The following JAK2 variants were observed in gnomAD, a reference collection of about 807,000 sequenced individuals.
JAK2 encodes the protein tyrosine-protein kinase JAK2.
JAK2 carries 86 observed loss-of-function variants against 139.3 expected under a neutral mutation model. The ratio of observed to expected loss-of-function variants is 0.62; its 90% CI spans 0.52 to 0.74. The LOEUF is 0.74. JAK2 is among the 30% of genes least tolerant of loss of function. The pLI, the probability that JAK2 is intolerant of heterozygous loss-of-function variation, is 0.00. For missense variants in JAK2, 1,421 were observed against 1,360.3 expected (o/e 1.04, Z -0.70); for synonymous variants, 490 against 437.7 (o/e 1.12, Z -1.49).
At chr9:5,011,010 G>C (rs935152136) in intron 2 of JAK2, among the ~76,000 whole-genome samples, 3 of 152,042 alleles carry the variant, frequency 2.0e-5, no homozygotes, top group African/African-American at 7.2e-5. Flanking sequence ...TCTTGTCTTG[G>C]TTCTCCTGTA....
chr9:5,031,375 T>C (rs1157895122), intron 4 of JAK2, among the ~76,000 whole-genome samples: 1 of 152,146 alleles, frequency 6.6e-6, no homozygotes, highest in Admixed American at 6.5e-5. Flanking sequence ...ATAAACTAAA[T>C]AATGAGAATG....
intron 4 of JAK2, among the ~76,000 whole-genome samples, chr9:5,040,376 T>C (rs555410763): frequency 2.0e-5 from 3 of 152,216 alleles, no homozygotes; most frequent in Non-Finnish European, 4.4e-5. Context: ...ACAGAAGTCT[T>C]TGTGTACTTA....
chr9:5,058,440 A>G (rs768009789), intron 8 of JAK2, among the ~76,000 whole-genome samples: 1 of 152,134 alleles, frequency 6.6e-6, no homozygotes, highest in African/African-American at 2.4e-5. Context: ...CCTCACTATC[A>G]TGAGAACAGC....
intron 8 of JAK2, among the ~76,000 whole-genome samples, chr9:5,064,424 T>A (rs1231877041): frequency 6.8e-6 from 1 of 147,736 alleles, no homozygotes; most frequent in Non-Finnish European, 1.5e-5. Context: ...CAGCTACTCA[T>A]GAGGGTGAGG....
intron 5 of JAK2, among the ~76,000 whole-genome samples, chr9:5,048,537 G>T (rs1817191221): frequency 6.6e-6 from 1 of 152,188 alleles, no homozygotes; most frequent in East Asian, 1.9e-4. Flanking sequence ...TTACTTGCCT[G>T]TTCTCAAAAG....
At position 5,104,606 on chromosome 9, in the gene JAK2, A is replaced by G. The variant is rs551041042; in HGVS notation, c.3059+13695A>G. Among the ~76,000 whole-genome samples the G allele has an allele frequency of 7.9e-5, 12 of 152,300 alleles. No homozygotes were observed. In the South Asian group the frequency reaches 2.5e-3, roughly 32 times the overall value. ...ACCAAAGCCTAGCAGAGACACCACA[A>G]AAAAATAATTTTAGACCAATATCCC... is the stretch of plus-strand genomic sequence containing the variant. On this transcript the variant is annotated intron_variant, in intron 22 of 24. Coordinates refer to ENST00000381652, the MANE Select transcript of JAK2 (RefSeq NM_004972.4).
rs1051350543 is a variant in JAK2 at position 5,091,124 on chromosome 9, T to C, written c.3059+213T>C. On this transcript the variant is annotated intron_variant, in intron 22 of 24. Transcript: ENST00000381652. ...TATGCTTTATTTCTATTAAGTGTTG[T>C]CTTATTTATAGGGATTGTAGGTTTT... 1.2e-4 allele frequency: 47 copies of C among 401,544 alleles called. No individual in the cohort carries two copies. The Admixed American group carries it at 1.2e-3, about 10-fold the overall frequency. The allele number at this position is 401,544 out of a possible 1,614,324, so 24.9% of individuals were successfully genotyped here. A position where few individuals can be genotyped will look rare whatever the true frequency, so the allele number is the denominator to read the frequency against.
intron 1 of JAK2, 74 bp downstream of exon 1, chr9:4,985,704 C>CCCGCCTG (rs1265850740): frequency 6.6e-6 from 1 of 152,544 alleles, no homozygotes. Flanking sequence ...ACCTTTTGGT[C>CCCGCCTG]CCGCCTGCCC....
At position 5,021,992 on chromosome 9, in the gene JAK2, G is replaced by C; in HGVS notation, c.5G>C (p.Gly2Ala). The C allele has an allele frequency of 1.2e-6, 2 of 1,611,946 alleles. No homozygotes were observed. Among genetic ancestry groups the C allele is most frequent in the Non-Finnish European group, 1.7e-6 (2 of 1,177,988 alleles). The change falls in exon 3 of 25, where the codon GGA becomes GCA. Residue 2 changes from glycine (G) to alanine (A), a missense_variant. Physicochemically the swap from Gly to Ala is moderately conservative, Grantham distance 60. Coordinates refer to ENST00000381652, the MANE Select transcript of JAK2 (RefSeq NM_004972.4). M[G>A]MACLTMTEME... ...ATGTTCTGAAAAAGACTCTGCATGG[G>C]AATGGCCTGCCTTACGATGACAGAA...
intron 5 of JAK2, among the ~76,000 whole-genome samples, chr9:5,049,642 T>C (rs1817275665): frequency 6.6e-6 from 1 of 152,238 alleles, no homozygotes; most frequent in African/African-American, 2.4e-5. Flanking sequence ...CTAAGCTAAA[T>C]TTTGGTCCCC....
At chr9:5,000,791 T>G (rs1407359911) in intron 2 of JAK2, among the ~76,000 whole-genome samples, 1 of 152,210 alleles carries the variant, frequency 6.6e-6, no homozygotes, top group East Asian at 1.9e-4. Context: ...GTATATGTAT[T>G]AAGTAAGAAC....
At chr9:4,985,116 C>T (rs542915178), upstream of JAK2, 12 of 152,454 alleles carry the variant, frequency 7.9e-5, no homozygotes, top group African/African-American at 2.4e-4. Context: ...AACCGGGAGG[C>T]TGAGTTCGAA....
intron 2 of JAK2, among the ~76,000 whole-genome samples, chr9:5,011,563 A>G (rs1324696892): frequency 6.6e-6 from 1 of 152,170 alleles, no homozygotes; most frequent in Non-Finnish European, 1.5e-5. Context: ...TTTACTGTAA[A>G]TTCTATTACA....
chr9:5,075,400 G>A (rs910663022), intron 14 of JAK2, among the ~76,000 whole-genome samples: 2 of 152,200 alleles, frequency 1.3e-5, no homozygotes, highest in African/African-American at 4.8e-5. Context: ...TCGAAGGACA[G>A]GCTGACCCTC....
chr9:5,055,592 G>T, intron 7 of JAK2, 77 bp from the exon 8 acceptor site: 2 of 1,135,430 alleles, frequency 1.8e-6, no homozygotes, highest in Non-Finnish European at 1.3e-6. Context: ...TGGAAAGAAT[G>T]TTGTCTTCTT....
intron 22 of JAK2, chr9:5,108,694 C>T (rs1265897357): frequency 6.6e-6 from 1 of 151,910 alleles, no homozygotes; most frequent in Non-Finnish European, 1.5e-5. Context: ...GAATATATAG[C>T]CTACCCCTTC....
At chr9:5,102,698 G>T (rs1016060330) in intron 22 of JAK2, among the ~76,000 whole-genome samples, 2 of 152,238 alleles carry the variant, frequency 1.3e-5, no homozygotes, top group African/African-American at 4.8e-5. Flanking sequence ...GGATCTCTCA[G>T]CAGAAACTCT....
At chr9:5,077,961 A>C (rs540244010) in intron 15 of JAK2, among the ~76,000 whole-genome samples, 26 of 152,324 alleles carry the variant, frequency 1.7e-4, no homozygotes, top group African/African-American at 5.1e-4. Flanking sequence ...GCCAGTCATC[A>C]GACCCCTCAG....
intron 20 of JAK2, 120 bp from the exon 21 acceptor site, chr9:5,090,326 A>C (rs539807350): frequency 2.9e-6 from 2 of 687,524 alleles, no homozygotes; most frequent in South Asian, 9.9e-5. Flanking sequence ...TTAATGTATA[A>C]TAAAGTTTTG....
Sources: allele counts gnomAD v4.1 joint callset (sites outside exome capture counted in the v4.1 genomes callset), GRCh38; gene constraint gnomAD v4.1.1; transcripts MANE v1.5; gene names NCBI Gene and HGNC (gene_info 2026-07-23, HGNC 2026-07-21).